HOMER1: variants seen among roughly 807,000 people sequenced by gnomAD.
HOMER1 encodes the protein homer protein homolog 1.
HOMER1 carries 3 observed loss-of-function variants against 48.9 expected under a neutral mutation model. That is an observed-to-expected ratio of 0.06 (90% CI 0.03 to 0.16). HOMER1 has a LOEUF of 0.16. HOMER1 is among the 10% of genes least tolerant of loss of function. The pLI is 1.00. For missense variants in HOMER1, 247 were observed against 411.4 expected, an observed-to-expected ratio of 0.60 and a Z score of 3.46; for synonymous variants, 134 against 146.4, an observed-to-expected ratio of 0.92 and a Z score of 0.61.
At chr5:79,461,637 T>C (rs1057240891) in intron 1 of HOMER1, among the ~76,000 whole-genome samples, 1 of 152,188 alleles carries the variant, frequency 6.6e-6, no homozygotes, top group African/African-American at 2.4e-5. Context: ...TTTCATGTAA[T>C]ATATTTACAT....
intron 1 of HOMER1, among the ~76,000 whole-genome samples, chr5:79,496,370 A>G (rs1308205280): frequency 6.6e-6 from 1 of 152,114 alleles, no homozygotes; most frequent in Non-Finnish European, 1.5e-5. Flanking sequence ...CCCCGCAAAA[A>G]CCTTCCCATT....
intron 1 of HOMER1, among the ~76,000 whole-genome samples, chr5:79,462,623 C>T (rs181937743): frequency 6.6e-5 from 10 of 152,070 alleles, no homozygotes; most frequent in African/African-American, 1.4e-4. Context: ...AAGAAAGAAA[C>T]GAGGATCATA....
intron 1 of HOMER1, among the ~76,000 whole-genome samples, chr5:79,484,141 CTTA>C (rs1752031084): frequency 2.0e-5 from 3 of 150,766 alleles, no homozygotes; most frequent in Non-Finnish European, 4.4e-5. Flanking sequence ...TTGTAAGGTT[CTTA>C]TTATATATGA....
intron 5 of HOMER1, among the ~76,000 whole-genome samples, chr5:79,422,607 T>C (rs1022571216): frequency 7.7e-5 from 11 of 142,682 alleles, no homozygotes; most frequent in African/African-American, 2.1e-4. Flanking sequence ...CATGAGACAA[T>C]TGTCAAAAAA....
At chr5:79,426,339 T>A (rs1313291664) in intron 5 of HOMER1, among the ~76,000 whole-genome samples, 1 of 152,118 alleles carries the variant, frequency 6.6e-6, no homozygotes, top group East Asian at 1.9e-4. Flanking sequence ...GCAGCACTAT[T>A]CATAACAGTC....
intron 8 of HOMER1, among the ~76,000 whole-genome samples, chr5:79,396,057 G>C (rs1488381339): frequency 2.0e-5 from 3 of 152,040 alleles, no homozygotes; most frequent in Non-Finnish European, 2.9e-5. Flanking sequence ...AACGCTGAGG[G>C]TGTAAGAAAA....
chr5:79,481,951 G>GGT (rs1751961630), intron 1 of HOMER1, among the ~76,000 whole-genome samples: 3 of 152,158 alleles, frequency 2.0e-5, no homozygotes, highest in Non-Finnish European at 4.4e-5. Flanking sequence ...GGGCACGGTG[G>GGT]CTCACACCTG....
intron 2 of HOMER1, among the ~76,000 whole-genome samples, 199 bp from the exon 3 acceptor site, chr5:79,451,320 A>G (rs950958775): frequency 1.6e-4 from 24 of 152,064 alleles, no homozygotes; most frequent in African/African-American, 5.6e-4. Context: ...ATATGATGAC[A>G]CTCTATCAAA....
intron 1 of HOMER1, among the ~76,000 whole-genome samples, chr5:79,500,993 CAA>C (rs1491125156): frequency 2.1e-5 from 3 of 145,778 alleles, no homozygotes; most frequent in Non-Finnish European, 4.5e-5. Context: ...CACACACACA[CAA>C]GGTCTGGCTC....
At chr5:79,424,842 T>C (rs1001150116) in intron 5 of HOMER1, among the ~76,000 whole-genome samples, 5 of 152,060 alleles carry the variant, frequency 3.3e-5, no homozygotes, top group African/African-American at 1.2e-4. Flanking sequence ...GAAATCTTTC[T>C]CCATCAAAGG....
In HOMER1 at chr5:79,409,490, T is replaced by C. The variant is rs1053133743; in HGVS notation, c.528-7435A>G. Among the ~76,000 whole-genome samples, 7 of 147,840 alleles carry C rather than the reference T, an allele frequency of 4.7e-5. No homozygotes were observed. In the East Asian group the frequency reaches 7.8e-4, roughly 17 times the overall value. The stretch of plus-strand genomic sequence containing the variant: ...TGGATCTGCGATGATTTCTTGAATA[T>C]GACACCAAAAAAGCACAGGCAACAA... On this transcript the variant is annotated intron_variant, in intron 5 of 8. Coordinates refer to ENST00000334082, the MANE Select transcript of HOMER1 (RefSeq NM_004272.5).
rs143750288 is a variant in HOMER1 at position 79,479,325 on chromosome 5, G to C, written c.6-22307C>G. The stretch of plus-strand genomic sequence containing the variant: ...GTGAATGTTGCCTTATTTGGCAAAA[G>C]GGATTTTGCAGATGTGATTAAGTTA... On this transcript the variant is annotated intron_variant, in intron 1 of 8. Transcript: ENST00000334082. Among the ~76,000 whole-genome samples, 278 of 152,296 alleles carry C rather than the reference G, an allele frequency of 1.8e-3. 1 individual carries two copies. Among genetic ancestry groups the C allele is most frequent in the African/African-American group, 6.2e-3 (258 of 41,552 alleles).
At chr5:79,424,966 A>G (rs1378006824) in intron 5 of HOMER1, among the ~76,000 whole-genome samples, 2 of 152,088 alleles carry the variant, frequency 1.3e-5, no homozygotes, top group Non-Finnish European at 2.9e-5. Context: ...GAGATAGCTT[A>G]AATGCTATCT....
At chr5:79,404,027 C>A (rs1414673214) in intron 5 of HOMER1, among the ~76,000 whole-genome samples, 1 of 152,110 alleles carries the variant, frequency 6.6e-6, no homozygotes, top group Non-Finnish European at 1.5e-5. Flanking sequence ...ATGGATTCAC[C>A]TGCTCTAACT....
intron 8 of HOMER1, among the ~76,000 whole-genome samples, chr5:79,385,554 T>C (rs1391142515): frequency 1.3e-5 from 2 of 152,016 alleles, no homozygotes; most frequent in African/African-American, 4.8e-5. Flanking sequence ...TAAGATATCA[T>C]CTTATGGCCA....
At chr5:79,442,193 G>GA (rs1750755880) in intron 4 of HOMER1, among the ~76,000 whole-genome samples, 1 of 151,862 alleles carries the variant, frequency 6.6e-6, no homozygotes, top group African/African-American at 2.4e-5. Flanking sequence ...TAACACTGAA[G>GA]AAAAAATTTA....
intron 5 of HOMER1, among the ~76,000 whole-genome samples, chr5:79,427,396 T>C (rs748445137): frequency 3.9e-5 from 6 of 152,266 alleles, no homozygotes; most frequent in Non-Finnish European, 8.8e-5. Flanking sequence ...GTTTGTTTTT[T>C]GGTTGTTTTT....
rs759503825 is a variant in HOMER1 at position 79,503,014 on chromosome 5, T to TCTC, written c.5+9755_5+9756insGAG. ...ACCGTGTTAGCCAGGACGGTCTTGA[T>TCTC]CTGACCTCGTGATCTGCCCGCCTTG... On this transcript the variant is annotated intron_variant, in intron 1 of 8. Coordinates refer to ENST00000334082, the MANE Select transcript of HOMER1 (RefSeq NM_004272.5). 4.1e-4 allele frequency among the ~76,000 whole-genome samples: 63 copies of TCTC among 151,846 alleles called. No homozygotes were observed. In the Middle Eastern group the frequency reaches 0.024, roughly 57 times the overall value.
At chr5:79,382,497 A>T (rs1261326915) in intron 8 of HOMER1, among the ~76,000 whole-genome samples, 20 of 152,208 alleles carry the variant, frequency 1.3e-4, no homozygotes, top group African/African-American at 4.6e-4. Flanking sequence ...GGGGTGATAT[A>T]TTCATAGTGT....
Sources: allele counts gnomAD v4.1 joint callset (sites outside exome capture counted in the v4.1 genomes callset), GRCh38; gene constraint gnomAD v4.1.1; transcripts MANE v1.5; gene names NCBI Gene and HGNC (gene_info 2026-07-23, HGNC 2026-07-21).